The following KLF12 variants were observed in gnomAD, a reference collection of about 807,000 sequenced individuals.
The protein encoded by KLF12 is KLF transcription factor 12, also known as Krueppel-like factor 12.
Under a neutral mutation model 37.8 loss-of-function variants are expected in KLF12, and 9 were observed. The observed-to-expected ratio is 0.24, with a 90% CI of 0.14 to 0.42. The LOEUF (loss-of-function observed/expected upper bound fraction) is 0.42, where lower values mean the gene tolerates loss of function less well. Ranked by LOEUF, KLF12 falls within the 10% of genes least tolerant of loss-of-function variation. The probability of loss-of-function intolerance (pLI) is 1.00; values close to 1 mark genes in which losing one functional copy is unlikely to be tolerated. For missense variants in KLF12, 411 were observed against 516.0 expected (o/e 0.80, Z 1.97); for synonymous variants, 208 against 202.1 (o/e 1.03, Z -0.25).
At chr13:74,194,796 T>A in the KLF12 span, among the ~76,000 whole-genome samples, 1 of 152,224 alleles carries the variant, frequency 6.6e-6, no homozygotes, top group East Asian at 1.9e-4. Context: ...TAGATGTCAC[T>A]CCCATATTTC....
intron 3 of KLF12, among the ~76,000 whole-genome samples, chr13:73,869,623 C>A (rs779819971): frequency 2.0e-5 from 3 of 151,802 alleles, no homozygotes; most frequent in Admixed American, 6.6e-5. Context: ...ATATCTATAT[C>A]CATATCTATA....
At chr13:73,858,165 A>C (rs1484574829) in intron 3 of KLF12, among the ~76,000 whole-genome samples, 1 of 152,128 alleles carries the variant, frequency 6.6e-6, no homozygotes, top group Non-Finnish European at 1.5e-5. Context: ...TTAGAAAGAA[A>C]AGTATTTTGA....
At chr13:74,024,671 C>T (rs555719113) in intron 1 of KLF12, among the ~76,000 whole-genome samples, 4 of 152,044 alleles carry the variant, frequency 2.6e-5, no homozygotes, top group Non-Finnish European at 2.9e-5. Flanking sequence ...ACAATATTAA[C>T]GAGTCTGTAT....
At chr13:74,087,744 G>T (rs982381581) in intron 1 of KLF12, among the ~76,000 whole-genome samples, 1 of 151,954 alleles carries the variant, frequency 6.6e-6, no homozygotes, top group South Asian at 2.1e-4. Context: ...CATTTCTTCA[G>T]TGTGTTGGCA....
chr13:74,006,626 TC>T (rs1269985094), intron 1 of KLF12, among the ~76,000 whole-genome samples: 1 of 152,210 alleles, frequency 6.6e-6, no homozygotes, highest in African/African-American at 2.4e-5. Context: ...CAGCAGCACT[TC>T]CAAGAACTCA....
At chr13:74,023,075 A>G (rs1892884435) in intron 1 of KLF12, among the ~76,000 whole-genome samples, 1 of 152,152 alleles carries the variant, frequency 6.6e-6, no homozygotes, top group Non-Finnish European at 1.5e-5. Context: ...TCTCTGCTCT[A>G]GCTGCATATT....
chr13:74,177,533 T>C, the KLF12 span, among the ~76,000 whole-genome samples: 1 of 152,218 alleles, frequency 6.6e-6, no homozygotes, highest in Non-Finnish European at 1.5e-5. Context: ...CTGAAAAACC[T>C]TACATGAAAT....
chr13:74,194,830 T>C, the KLF12 span, among the ~76,000 whole-genome samples: 1 of 152,242 alleles, frequency 6.6e-6, no homozygotes, highest in Admixed American at 6.5e-5. Context: ...TAGCACTTTT[T>C]CTGCTTATGC....
At chr13:74,171,397 A>C in the KLF12 span, among the ~76,000 whole-genome samples, 7 of 152,242 alleles carry the variant, frequency 4.6e-5, no homozygotes, top group South Asian at 1.2e-3. Context: ...GGCATGTTTA[A>C]AAAAGTAGGC....
intron 1 of KLF12, among the ~76,000 whole-genome samples, chr13:74,109,382 T>TG (rs1307573819): frequency 6.6e-6 from 1 of 152,082 alleles, no homozygotes; most frequent in Middle Eastern, 3.4e-3. Flanking sequence ...CAGGGAGCAC[T>TG]GGGGGGAGTA....
chr13:74,218,993 G>A, the KLF12 span, among the ~76,000 whole-genome samples: 6 of 140,742 alleles, frequency 4.3e-5, no homozygotes, highest in East Asian at 4.1e-4. Flanking sequence ...ATGGAGCCTC[G>A]CTTTGTCACT....
intron 6 of KLF12, among the ~76,000 whole-genome samples, chr13:73,729,603 A>C (rs1876914020): frequency 6.6e-6 from 1 of 152,220 alleles, no homozygotes; most frequent in Non-Finnish European, 1.5e-5. Context: ...CAAAATCTTA[A>C]AAATGTCAAG....
intron 5 of KLF12, among the ~76,000 whole-genome samples, chr13:73,810,782 C>T (rs146750588): frequency 6.6e-6 from 1 of 152,058 alleles, no homozygotes; most frequent in African/African-American, 2.4e-5. Flanking sequence ...GATGAGAACA[C>T]AGACTCCTCA....
intron 6 of KLF12, among the ~76,000 whole-genome samples, chr13:73,716,555 C>T (rs377166542): frequency 4.6e-5 from 7 of 152,090 alleles, no homozygotes; most frequent in African/African-American, 1.7e-4. Flanking sequence ...TGTTTTCCAC[C>T]ATTATCCTGG....
chr13:73,865,142 T>C (rs1464169409), intron 3 of KLF12, among the ~76,000 whole-genome samples: 1 of 152,184 alleles, frequency 6.6e-6, no homozygotes, highest in Non-Finnish European at 1.5e-5. Flanking sequence ...TTGTGCTTTC[T>C]GTTAGGATAA....
the KLF12 span, among the ~76,000 whole-genome samples, chr13:74,156,423 A>C: frequency 6.6e-6 from 1 of 152,212 alleles, no homozygotes; most frequent in Non-Finnish European, 1.5e-5. Flanking sequence ...TCAACCAATA[A>C]GCACATGATG....
intron 5 of KLF12, among the ~76,000 whole-genome samples, chr13:73,804,343 T>A (rs952067064): frequency 1.3e-5 from 2 of 152,178 alleles, no homozygotes; most frequent in African/African-American, 4.8e-5. Flanking sequence ...AATAAATGAA[T>A]TAATCACTCT....
chr13:73,812,991 C>T, intron 5 of KLF12, 161 bp downstream of exon 5: 1 of 682,382 alleles, frequency 1.5e-6, no homozygotes, highest in Non-Finnish European at 2.4e-6. Flanking sequence ...CCATTCTCTG[C>T]CCTAATCTCC....
intron 6 of KLF12, among the ~76,000 whole-genome samples, chr13:73,753,397 C>T (rs1310138657): frequency 6.6e-6 from 1 of 152,150 alleles, no homozygotes; most frequent in Non-Finnish European, 1.5e-5. Flanking sequence ...GAGGCATTTT[C>T]TGGCCAAACC....
Sources: gnomAD v4.1 joint callset for allele counts (sites outside exome capture counted in the v4.1 genomes callset) on GRCh38, gnomAD v4.1.1 for gene constraint, MANE v1.5 for transcripts, NCBI Gene and HGNC (gene_info 2026-07-23, HGNC 2026-07-21) for gene names.